PDE1C: variants seen among roughly 807,000 people sequenced by gnomAD.
PDE1C encodes the protein dual specificity calcium/calmodulin-dependent 3',5'-cyclic nucleotide phosphodiesterase 1C.
In PDE1C, 62 loss-of-function variants were observed where a neutral mutation model predicts 93.1. The observed-to-expected ratio is 0.67, with a 90% CI of 0.54 to 0.82. The LOEUF (loss-of-function observed/expected upper bound fraction) is 0.82. Ranked by LOEUF, PDE1C falls within the 40% of genes least tolerant of loss-of-function variation. PDE1C has a pLI of 0.00. For synonymous variants in PDE1C, 325 were observed against 310.1 expected (o/e 1.05, Z -0.50); for missense variants, 742 against 884.6 (o/e 0.84, Z 2.04).
chr7:31,640,844 C>T, the PDE1C span, among the ~76,000 whole-genome samples: 1 of 152,110 alleles, frequency 6.6e-6, no homozygotes, highest in Non-Finnish European at 1.5e-5. Flanking sequence ...CAAAATTTTG[C>T]TCAAAGTTTC....
chr7:32,023,963 C>A (rs1789063877), intron 2 of PDE1C, among the ~76,000 whole-genome samples: 1 of 152,032 alleles, frequency 6.6e-6, no homozygotes, highest in Admixed American at 6.6e-5. Context: ...TGAGATTGTA[C>A]CATAATCAAG....
At chr7:31,817,349 A>G (rs950239523) in intron 14 of PDE1C, among the ~76,000 whole-genome samples, 5 of 152,188 alleles carry the variant, frequency 3.3e-5, no homozygotes, top group South Asian at 2.1e-4. Flanking sequence ...TGAGCTTGGT[A>G]TGCTCAAAGA....
chr7:32,042,280 A>G (rs986601963), intron 2 of PDE1C, among the ~76,000 whole-genome samples: 2 of 152,216 alleles, frequency 1.3e-5, no homozygotes, highest in African/African-American at 4.8e-5. Context: ...AGCCTGGGCA[A>G]TGGAGAAAGA....
chr7:31,978,817 C>T (rs1021260825), intron 2 of PDE1C, among the ~76,000 whole-genome samples: 14 of 152,246 alleles, frequency 9.2e-5, no homozygotes, highest in South Asian at 4.2e-4. Flanking sequence ...CATCCATCTG[C>T]GGGTTTCTGG....
At chr7:31,759,416 A>G (rs764098298) in intron 17 of PDE1C, among the ~76,000 whole-genome samples, 4 of 152,130 alleles carry the variant, frequency 2.6e-5, no homozygotes, top group Non-Finnish European at 4.4e-5. Flanking sequence ...ATCCCCGACC[A>G]CTAGTGGAGA....
intron 1 of PDE1C, among the ~76,000 whole-genome samples, chr7:32,248,981 A>G (rs553281741): frequency 1.3e-5 from 2 of 152,234 alleles, no homozygotes; most frequent in South Asian, 4.1e-4. Context: ...AAGGGCTGTC[A>G]TGTAGAAGAG....
chr7:32,238,344 A>G (rs1808287906), intron 1 of PDE1C, among the ~76,000 whole-genome samples: 1 of 152,238 alleles, frequency 6.6e-6, no homozygotes, highest in African/African-American at 2.4e-5. Context: ...AAAGATAGTA[A>G]AGAAGATCAG....
chr7:31,765,514 G>A (rs111361331), intron 17 of PDE1C, among the ~76,000 whole-genome samples: 124 of 152,326 alleles, frequency 8.1e-4, no homozygotes, highest in African/African-American at 3.0e-3. Flanking sequence ...GATGGGAAAT[G>A]TAAGGCTATT....
At chr7:31,991,812 G>A (rs1320516607) in intron 2 of PDE1C, among the ~76,000 whole-genome samples, 1 of 152,144 alleles carries the variant, frequency 6.6e-6, no homozygotes, top group Non-Finnish European at 1.5e-5. Context: ...AATAAACAGT[G>A]GTTTGTTTTA....
At chr7:31,808,881 G>A (rs574631822) in intron 16 of PDE1C, 150 bp downstream of exon 16, 450 of 503,430 alleles carry the variant, frequency 8.9e-4, no homozygotes, top group Non-Finnish European at 1.4e-3. Flanking sequence ...TTGATAAAGG[G>A]ATAATAGTAC....
chr7:32,072,990 C>T (rs755594171), upstream of PDE1C, among the ~76,000 whole-genome samples: 1 of 152,120 alleles, frequency 6.6e-6, no homozygotes, highest in Non-Finnish European at 1.5e-5. Flanking sequence ...AAAAGAGAGA[C>T]GAATAATGCT....
intron 1 of PDE1C, among the ~76,000 whole-genome samples, chr7:32,060,149 A>G (rs1055322767): frequency 2.0e-5 from 3 of 152,204 alleles, no homozygotes; most frequent in Non-Finnish European, 4.4e-5. Context: ...TTCTAATTGA[A>G]TTATTCACAG....
intron 1 of PDE1C, among the ~76,000 whole-genome samples, chr7:32,399,433 G>A (rs1784901218): frequency 6.6e-6 from 1 of 152,126 alleles, no homozygotes; most frequent in South Asian, 2.1e-4. Flanking sequence ...CAGGGTGCTA[G>A]CATGGTTGGG....
rs139595415 is a variant in PDE1C, at chr7:31,989,104, AAG to A, written c.128+62448_128+62449del. On this transcript the variant is annotated intron_variant, in intron 2 of 17. Transcript: ENST00000396191. ...AGAGAAAGAAACAAAGAAAGAAAGA[AAG>A]AGAAAGAGAAAGAAAGAGGAAAAGA... 2.7e-5 allele frequency among the ~76,000 whole-genome samples: 4 copies of A among 150,656 alleles called. No homozygotes were observed. In the East Asian group the frequency reaches 5.8e-4, roughly 22 times the overall value.
chr7:32,044,733 G>A (rs30577), intron 2 of PDE1C, among the ~76,000 whole-genome samples: 130,558 of 152,128 alleles, frequency 0.86, 56,153 homozygotes, highest in African/African-American at 0.92. Context: ...AAAGTTGAAG[G>A]AACACCCAAC....
intron 3 of PDE1C, among the ~76,000 whole-genome samples, chr7:32,109,389 A>G (rs1798521936): frequency 1.3e-5 from 2 of 152,152 alleles, no homozygotes. Flanking sequence ...TTTTGATTCC[A>G]ACTTTGTTTT....
At chr7:31,623,584 A>C in the PDE1C span, among the ~76,000 whole-genome samples, 6 of 151,090 alleles carry the variant, frequency 4.0e-5, no homozygotes, top group Admixed American at 2.7e-4. Context: ...TCAATAAATT[A>C]GGTATTGATG....
intron 3 of PDE1C, among the ~76,000 whole-genome samples, chr7:32,089,198 G>A (rs1363580955): frequency 1.3e-5 from 2 of 152,110 alleles, no homozygotes; most frequent in African/African-American, 4.8e-5. Context: ...TAGAAGTATA[G>A]TACTATTTAT....
At chr7:32,124,799 G>A (rs1799482852) in intron 3 of PDE1C, among the ~76,000 whole-genome samples, 1 of 152,134 alleles carries the variant, frequency 6.6e-6, no homozygotes, top group Admixed American at 6.5e-5. Context: ...TACCATTCAG[G>A]ACATAGGCAT....
Sources: allele counts gnomAD v4.1 joint callset (sites outside exome capture counted in the v4.1 genomes callset), GRCh38; gene constraint gnomAD v4.1.1; transcripts MANE v1.5; gene names NCBI Gene and HGNC (gene_info 2026-07-23, HGNC 2026-07-21).